Variants in FILIP1L observed in about 807,000 individuals in gnomAD.
FILIP1L encodes filamin A-interacting protein 1-like.
A neutral mutation model predicts 96.6 loss-of-function variants in FILIP1L; 55 were observed. The observed-to-expected ratio is 0.57, with a 90% CI of 0.46 to 0.71. FILIP1L has a LOEUF of 0.71. Ranked by LOEUF, FILIP1L falls within the 30% of genes least tolerant of loss-of-function variation. The pLI is 0.00. For missense variants in FILIP1L, 1,304 were observed against 1,321.2 expected (o/e 0.99, Z 0.20); for synonymous variants, 467 against 473.9 (o/e 0.99, Z 0.19).
rs187870134 is a variant in FILIP1L at position 99,897,104 on chromosome 3, A to C, written c.605+27126T>G. ...CCAAGCATGGTGGCTCACGCCTGTA[A>C]TCCCAGCATTTTGGGAGGCAGAGGT... On this transcript the variant is annotated intron_variant, in intron 4 of 5. Transcript: ENST00000477258. Among the ~76,000 whole-genome samples, 4 of 152,280 alleles carry C rather than the reference A, an allele frequency of 2.6e-5. No individual in the cohort carries two copies. The East Asian group carries it at 7.7e-4, about 29-fold the overall frequency.
chr3:99,939,077 G>A (rs1181655482), intron 1 of FILIP1L, among the ~76,000 whole-genome samples: 1 of 152,188 alleles, frequency 6.6e-6, no homozygotes, highest in Non-Finnish European at 1.5e-5. Flanking sequence ...TGGAAAGTGG[G>A]GATGTATGAT....
chr3:99,873,752 C>T (rs813218), intron 4 of FILIP1L, among the ~76,000 whole-genome samples: 77,458 of 151,924 alleles, frequency 0.51, 20,195 homozygotes, highest in African/African-American at 0.6. Flanking sequence ...GCAAGAGAAC[C>T]GGAAAATTAA....
chr3:99,890,275 A>G (rs953156527), intron 4 of FILIP1L, among the ~76,000 whole-genome samples: 3 of 151,924 alleles, frequency 2.0e-5, no homozygotes, highest in Non-Finnish European at 4.4e-5. Flanking sequence ...GGCTGTTTTT[A>G]TGATCTTCCC....
intron 1 of FILIP1L, among the ~76,000 whole-genome samples, chr3:100,002,492 C>T (rs1204399598): frequency 6.6e-6 from 1 of 152,174 alleles, no homozygotes; most frequent in Non-Finnish European, 1.5e-5. Flanking sequence ...ACAAGATTTG[C>T]ACACAGGTAC....
At chr3:99,983,390 A>ATATGTG (rs1491200362) in intron 1 of FILIP1L, among the ~76,000 whole-genome samples, 1 of 11,340 alleles carries the variant, frequency 8.8e-5, no homozygotes, top group Non-Finnish European at 2.3e-4. Context: ...AAATAAATAA[A>ATATGTG]TATATATATA....
chr3:99,951,628 A>G (rs1273561100), intron 1 of FILIP1L, among the ~76,000 whole-genome samples: 1 of 151,770 alleles, frequency 6.6e-6, no homozygotes. Flanking sequence ...CTGCCTGACC[A>G]CCTCCCCCAC....
chr3:99,847,347 CTT>C (rs879394535), intron 5 of FILIP1L, among the ~76,000 whole-genome samples: 40 of 136,470 alleles, frequency 2.9e-4, no homozygotes, highest in Non-Finnish European at 3.2e-4. Context: ...ATGACATTTT[CTT>C]TTTTTTTTTT....
At chr3:100,022,487 A>T (rs2064844169) in intron 1 of FILIP1L, among the ~76,000 whole-genome samples, 1 of 152,230 alleles carries the variant, frequency 6.6e-6, no homozygotes, top group Admixed American at 6.5e-5. Flanking sequence ...AACAGCATTG[A>T]GCATGATTTT....
chr3:99,879,721 A>T (rs550321546), intron 4 of FILIP1L, among the ~76,000 whole-genome samples: 2 of 152,340 alleles, frequency 1.3e-5, no homozygotes, highest in African/African-American at 4.8e-5. Context: ...TGGTAATGCT[A>T]ACTTTGTATA....
intron 4 of FILIP1L, among the ~76,000 whole-genome samples, chr3:99,860,741 G>A (rs1229404615): frequency 1.3e-5 from 2 of 152,308 alleles, no homozygotes; most frequent in East Asian, 1.9e-4. Flanking sequence ...ACTGACAGGG[G>A]AGTGACAACA....
intron 1 of FILIP1L, among the ~76,000 whole-genome samples, chr3:100,060,932 CT>C (rs751300459): frequency 1.3e-4 from 20 of 152,274 alleles, no homozygotes; most frequent in South Asian, 1.0e-3. Flanking sequence ...GCCTGCATGG[CT>C]TTGAAATGGA....
At chr3:99,872,322 T>A (rs909997878) in intron 4 of FILIP1L, among the ~76,000 whole-genome samples, 6 of 141,116 alleles carry the variant, frequency 4.3e-5, no homozygotes, top group South Asian at 4.5e-4. Flanking sequence ...TGTGTGTGTG[T>A]GACTGTGGGG....
intron 4 of FILIP1L, among the ~76,000 whole-genome samples, chr3:99,856,215 C>T (rs1018237037): frequency 4.6e-5 from 7 of 152,152 alleles, no homozygotes; most frequent in African/African-American, 1.7e-4. Context: ...GGTTTCCAAC[C>T]CAGGAAGATG....
At chr3:100,006,781 T>A (rs1710000240) in intron 1 of FILIP1L, among the ~76,000 whole-genome samples, 1 of 152,178 alleles carries the variant, frequency 6.6e-6, no homozygotes, top group Non-Finnish European at 1.5e-5. Context: ...ATAAGTAAAT[T>A]AATAATTGCG....
At chr3:99,868,402 C>T (rs906076483) in intron 4 of FILIP1L, among the ~76,000 whole-genome samples, 2 of 152,168 alleles carry the variant, frequency 1.3e-5, no homozygotes, top group Non-Finnish European at 2.9e-5. Context: ...AAAGGACCTC[C>T]TCTTTGGCCT....
At chr3:100,050,521 GTTTGTTTA>G (rs1444336779) in intron 1 of FILIP1L, among the ~76,000 whole-genome samples, 3 of 152,014 alleles carry the variant, frequency 2.0e-5, no homozygotes, top group East Asian at 1.9e-4. Context: ...CCCACAATTT[GTTTGTTTA>G]TTTGTTTATT....
At chr3:100,106,578 G>T (rs781508514) in intron 1 of FILIP1L, among the ~76,000 whole-genome samples, 22 of 152,142 alleles carry the variant, frequency 1.4e-4, no homozygotes, top group Non-Finnish European at 2.9e-4. Context: ...AGTTGAAAAA[G>T]ATCTGCCTTC....
At chr3:100,063,538 C>T (rs1404801323) in intron 1 of FILIP1L, among the ~76,000 whole-genome samples, 2 of 152,156 alleles carry the variant, frequency 1.3e-5, no homozygotes, top group African/African-American at 4.8e-5. Flanking sequence ...GGCTCCTAAG[C>T]TTCCATCCCA....
At chr3:100,069,617 C>T (rs971971502) in intron 1 of FILIP1L, among the ~76,000 whole-genome samples, 1 of 152,138 alleles carries the variant, frequency 6.6e-6, no homozygotes, top group African/African-American at 2.4e-5. Context: ...ACAGTTTATA[C>T]TCTTAAGAAT....
Sources: allele counts gnomAD v4.1 joint callset (sites outside exome capture counted in the v4.1 genomes callset), GRCh38; gene constraint gnomAD v4.1.1; transcripts MANE v1.5; gene names NCBI Gene and HGNC (gene_info 2026-07-23, HGNC 2026-07-21).